COL6A3: variants seen among roughly 807,000 people sequenced by gnomAD.
COL6A3 encodes the protein collagen type VI alpha 3 chain.
A neutral mutation model predicts 274.1 loss-of-function variants in COL6A3; 137 were observed. The observed-to-expected ratio is 0.50, with a 90% confidence interval of 0.44 to 0.58. The LOEUF (loss-of-function observed/expected upper bound fraction) is 0.58, where lower values mean the gene tolerates loss of function less well. Among genes scored for constraint, COL6A3 ranks in the 20% least tolerant of loss-of-function variants. The pLI is 0.00. For missense variants in COL6A3, 3,950 were observed against 4,124.9 expected, an observed-to-expected ratio of 0.96 and a Z score of 1.16; for synonymous variants, 1,650 against 1,650.6, an observed-to-expected ratio of 1.00 and a Z score of 0.01.
chr2:237,381,158 G>A lies in COL6A3; in HGVS notation c.1654C>T (p.Leu552Phe), dbSNP rs1376425960. Residue 552 changes from leucine (L) to phenylalanine (F), a missense_variant, in exon 5 of 44, where the codon CTT becomes TTT. This residue lies in a region of COL6A3 where 1,934 missense variants were observed against 1,984.3 expected (regional missense o/e 0.97). Transcript: ENST00000295550. ...TTACCACCTGTGATCAGCACCAAAA[G>A]CTTAGGAATCCCCTCGGCAGCCCGG... Reference protein sequence around the residue: ...GYRAAEGIPKLLVLITGGKSL... With the variant: ...GYRAAEGIPKFLVLITGGKSL... 5 of 1,614,260 alleles carry A rather than the reference G, an allele frequency of 3.1e-6. No homozygotes were observed. The Admixed American group carries it at 8.3e-5, about 27-fold the overall frequency.
In COL6A3 at chr2:237,330,546, T is replaced by C. The variant is rs553371161; in HGVS notation, c.9328+2904A>G. Among the ~76,000 whole-genome samples, 96 of 152,304 alleles carry C rather than the reference T, an allele frequency of 6.3e-4. 1 individual carries two copies. Among genetic ancestry groups the C allele is most frequent in the African/African-American group, 2.1e-3 (89 of 41,560 alleles). On this transcript the variant is annotated intron_variant, in intron 42 of 43. Coordinates refer to ENST00000295550, the MANE Select transcript of COL6A3 (RefSeq NM_004369.4). ...CTGAAAATCAAATCATGTAATATTG[T>C]AAAGCTGGAATCCTGAGTGGTTGCT...
chr2:237,412,487 G>A (rs1245018708), intron 1 of COL6A3, among the ~76,000 whole-genome samples: 2 of 152,194 alleles, frequency 1.3e-5, no homozygotes, highest in Non-Finnish European at 2.9e-5. Flanking sequence ...GCCTGGGCAA[G>A]GAATTCCGCA....
In COL6A3 at chr2:237,380,955, GC is replaced by G; in HGVS notation, c.1856del (p.Gly619AlafsTer44). 6.2e-7 allele frequency: 1 copy of G among 1,614,150 alleles called. No homozygotes were observed. Among genetic ancestry groups the G allele is most frequent in the Non-Finnish European group, 8.5e-7 (1 of 1,180,026 alleles). ...AGAGGGTCCTGAGAGGTGCCAGCAA[GC>G]CAGGCAGCATGCCTTGCAATGGGGC... ...RAAPLQGMLP[G>X]LLAPLRTLSG... On this transcript the variant is annotated frameshift_variant, in exon 5 of 44. Transcript: ENST00000295550. LOFTEE classifies it high-confidence loss of function.
rs1366115439 is a variant in COL6A3 at position 237,334,697 on chromosome 2, G to T, written c.9158C>A (p.Thr3053Lys). The T allele has an allele frequency of 6.2e-7, 1 of 1,613,860 alleles. No individual in the cohort carries two copies. The highest frequency in any genetic ancestry group is 2.2e-5 in the East Asian group (1 of 44,896). ...RVIGGLLAGQTYHVAVVCYLR... is the reference protein window; with the variant it reads ...RVIGGLLAGQKYHVAVVCYLR... ...GTAGCAGACCACAGCCACATGGTAT[G>T]TCTGCCCAGCGAGCAGGCCTCCAAT... Residue 3053 changes from threonine (T) to lysine (K), a missense_variant, in exon 41 of 44, where the codon ACA (threonine) becomes AAA (lysine). By Grantham distance (78) the Thr-to-Lys change is moderately conservative. Around this residue, in one of 5 missense-constraint regions of COL6A3, gnomAD observed 1,284 missense variants for 1,349.7 expected, o/e 0.95. Coordinates refer to ENST00000295550, the MANE Select transcript of COL6A3 (RefSeq NM_004369.4).
At chr2:237,406,003 A>G (rs1288162296) in intron 1 of COL6A3, among the ~76,000 whole-genome samples, 1 of 151,908 alleles carries the variant, frequency 6.6e-6, no homozygotes, top group Non-Finnish European at 1.5e-5. Context: ...CATTCATCAC[A>G]TTTTCATTCT....
intron 4 of COL6A3, chr2:237,386,504 A>G (rs1201312549): frequency 1.3e-5 from 2 of 152,224 alleles, no homozygotes; most frequent in African/African-American, 4.8e-5. Flanking sequence ...GAGTTGTAAC[A>G]ATGTGTTATT....
chr2:237,405,687 A>C (rs1005222674), intron 1 of COL6A3, among the ~76,000 whole-genome samples: 1 of 152,164 alleles, frequency 6.6e-6, no homozygotes, highest in Non-Finnish European at 1.5e-5. Flanking sequence ...AAAACAACAT[A>C]GAACCAGAAC....
intron 39 of COL6A3, among the ~76,000 whole-genome samples, chr2:237,337,111 A>G (rs897110105): frequency 3.9e-5 from 6 of 152,156 alleles, no homozygotes; most frequent in African/African-American, 1.4e-4. Context: ...TAGCAGCCTA[A>G]TCAAACAGAC....
intron 9 of COL6A3, 35 bp from the exon 10 acceptor site, chr2:237,369,212 T>C (rs757347877): frequency 9.4e-6 from 15 of 1,601,358 alleles, no homozygotes; most frequent in Non-Finnish European, 1.2e-5. Context: ...AAACATTCAG[T>C]GTGTAAGTAG....
At chr2:237,334,363 T>C (rs527691077) in intron 41 of COL6A3, among the ~76,000 whole-genome samples, 1 of 152,290 alleles carries the variant, frequency 6.6e-6, no homozygotes, top group Non-Finnish European at 1.5e-5. Flanking sequence ...TCAGGCGACG[T>C]GGATCTGGCT....
intron 40 of COL6A3, among the ~76,000 whole-genome samples, chr2:237,335,428 C>A (rs1700487557): frequency 6.6e-6 from 1 of 152,230 alleles, no homozygotes; most frequent in Non-Finnish European, 1.5e-5. Context: ...TTAAAGCCAT[C>A]TACCTTTTGT....
chr2:237,372,192 C>T lies in COL6A3; in HGVS notation c.3825G>A (p.Gln1275=), dbSNP rs1343897453. ...GFDTTRVAVI[Q]FSDDPKVEFL... ...ACTCCACCTTGGGGTCATCGCTGAA[C>T]TGGATGACAGCCACCCGGGTGGTGT... is the stretch of plus-strand genomic sequence containing the variant. Residue 1275 remains glutamine, a synonymous_variant, in exon 9 of 44, where the codon CAG becomes CAA. Coordinates refer to ENST00000295550, the MANE Select transcript of COL6A3 (RefSeq NM_004369.4). The T allele has an allele frequency of 3.7e-6, 6 of 1,614,054 alleles. No individual in the cohort carries two copies. The African/African-American group carries it at 4.0e-5, about 11-fold the overall frequency.
intron 31 of COL6A3, 56 bp from the exon 32 acceptor site, chr2:237,346,621 G>C (rs761668149): frequency 9.3e-6 from 14 of 1,501,512 alleles, no homozygotes; most frequent in African/African-American, 1.4e-5. Flanking sequence ...AGAATTTAAG[G>C]CTCCTATAGT....
At chr2:237,409,455 A>G (rs184031835) in intron 1 of COL6A3, among the ~76,000 whole-genome samples, 135 of 152,316 alleles carry the variant, frequency 8.9e-4, no homozygotes, top group South Asian at 2.1e-3. Flanking sequence ...GCTCAAGGCC[A>G]TGATGCACAA....
At chr2:237,391,543 T>C (rs978192036) in intron 3 of COL6A3, among the ~76,000 whole-genome samples, 1 of 143,292 alleles carries the variant, frequency 7.0e-6, no homozygotes, top group African/African-American at 2.6e-5. Flanking sequence ...TGTTTGTTTG[T>C]TTGTTTTAGA....
At chr2:237,370,605 T>C (rs950048610) in intron 9 of COL6A3, among the ~76,000 whole-genome samples, 1 of 152,356 alleles carries the variant, frequency 6.6e-6, no homozygotes, top group East Asian at 1.9e-4. Flanking sequence ...TCCTATTAGT[T>C]AGAATTTTAG....
At chr2:237,375,180 TG>T (rs34484009) in intron 7 of COL6A3, among the ~76,000 whole-genome samples, 160 bp from the exon 8 acceptor site, 1 of 152,228 alleles carries the variant, frequency 6.6e-6, no homozygotes, top group Non-Finnish European at 1.5e-5. Context: ...GATTTGGGGA[TG>T]GGGGGATTAC....
At chr2:237,366,627 G>C (rs2077559212) in intron 11 of COL6A3, 60 bp downstream of exon 11, 8 of 1,613,604 alleles carry the variant, frequency 5.0e-6, no homozygotes, top group Non-Finnish European at 5.9e-6. Context: ...GGACCAGACA[G>C]CTAAAGAGGC....
Position 237,394,795 on chromosome 2 carries a change from A to G in COL6A3, c.501T>C (p.Ser167=). Residue 167 remains serine, a synonymous_variant, in exon 3 of 44, where the codon TCT becomes TCC. Coordinates refer to ENST00000295550, the MANE Select transcript of COL6A3 (RefSeq NM_004369.4). ...CAATTGCAAACACGTTAACATCAGC[A>G]GACTTAAGTTCCGCTGAGGGCAGAG... ...GLALPSAELK[S]ADVNVFAIGV... The G allele has an allele frequency of 6.2e-7, 1 of 1,614,206 alleles. No homozygotes were observed. The highest frequency in any genetic ancestry group is 8.5e-7 in the Non-Finnish European group (1 of 1,180,030).
Sources: gnomAD v4.1 joint callset for allele counts (sites outside exome capture counted in the v4.1 genomes callset) on GRCh38, gnomAD v4.1.1 for gene constraint, gnomAD v4.1.1 regional missense constraint, MANE v1.5 for transcripts, NCBI Gene and HGNC (gene_info 2026-07-23, HGNC 2026-07-21) for gene names.